Variants in TBC1D9 observed in about 807,000 individuals in gnomAD.
TBC1D9 encodes TBC1 domain family member 9.
Under a neutral mutation model 132.0 loss-of-function variants are expected in TBC1D9, and 63 were observed. That is an observed-to-expected ratio of 0.48 (90% confidence interval 0.39 to 0.59). TBC1D9 has a LOEUF of 0.59. Ranked by LOEUF, TBC1D9 falls within the 20% of genes least tolerant of loss-of-function variation. The pLI is 0.00. For synonymous variants in TBC1D9, 610 were observed against 609.9 expected (o/e 1.00, Z 0.00); for missense variants, 1,261 against 1,592.7 (o/e 0.79, Z 3.54).
intron 16 of TBC1D9, among the ~76,000 whole-genome samples, chr4:140,632,614 C>A (rs936247830): frequency 6.6e-6 from 1 of 152,086 alleles, no homozygotes; most frequent in African/African-American, 2.4e-5. Flanking sequence ...ACTAATGTTC[C>A]AACAAGTTAC....
Position 140,701,630 on chromosome 4 carries a change from G to T in TBC1D9, c.131-16C>A. On this transcript the variant is annotated splice_polypyrimidine_tract_variant and intron_variant, in intron 1 of 20. Coordinates refer to ENST00000442267, the MANE Select transcript of TBC1D9 (RefSeq NM_015130.3). ...ACCAGCAGGCCTGAGGGTGGAAAGTGGGGAGAAACAGGTAAGAATTGCCTT... is the reference window on the plus strand; with the variant it reads ...ACCAGCAGGCCTGAGGGTGGAAAGTTGGGAGAAACAGGTAAGAATTGCCTT... 1.2e-6 allele frequency: 2 copies of T among 1,602,574 alleles called. No individual in the cohort carries two copies. Among genetic ancestry groups the T allele is most frequent in the South Asian group, 2.2e-5 (2 of 90,786 alleles).
intron 1 of TBC1D9, among the ~76,000 whole-genome samples, chr4:140,742,422 C>T (rs1049466103): frequency 6.7e-6 from 1 of 149,838 alleles, no homozygotes; most frequent in Non-Finnish European, 1.5e-5. Flanking sequence ...GTCCCAGTTA[C>T]TCAGGAGGCT....
chr4:140,685,672 T>C (rs1737767703), intron 3 of TBC1D9, among the ~76,000 whole-genome samples: 1 of 152,344 alleles, frequency 6.6e-6, no homozygotes. Context: ...TCAAATATTC[T>C]GGTATTAATG....
chr4:140,628,843 A>T (rs4956467), intron 16 of TBC1D9, among the ~76,000 whole-genome samples: 35,179 of 152,114 alleles, frequency 0.23, 5,516 homozygotes, highest in African/African-American at 0.45. Context: ...CTCATTCTAG[A>T]AATCCTTTTT....
chr4:140,679,898 T>A, intron 3 of TBC1D9, 55 bp from the exon 4 acceptor site: 2 of 1,399,012 alleles, frequency 1.4e-6, no homozygotes, highest in Non-Finnish European at 1.9e-6. Context: ...ACTAGAGATG[T>A]ACATATTCCA....
intron 9 of TBC1D9, among the ~76,000 whole-genome samples, chr4:140,664,040 C>CAAAA (rs1224457471): frequency 1.1e-4 from 12 of 112,896 alleles, no homozygotes; most frequent in African/African-American, 3.4e-4. Context: ...CTCTCCCCAC[C>CAAAA]AAAAAAAAAA....
At chr4:140,750,281 T>C (rs1455756779) in intron 1 of TBC1D9, among the ~76,000 whole-genome samples, 1 of 151,960 alleles carries the variant, frequency 6.6e-6, no homozygotes, top group Non-Finnish European at 1.5e-5. Context: ...CATAATTGTA[T>C]ATGAGGTCCT....
intron 9 of TBC1D9, among the ~76,000 whole-genome samples, chr4:140,667,022 G>A (rs1737457932): frequency 6.6e-6 from 1 of 152,176 alleles, no homozygotes; most frequent in Admixed American, 6.5e-5. Flanking sequence ...GAGACGTACT[G>A]TGATTTCTTG....
At chr4:140,736,295 C>T (rs1180034665) in intron 1 of TBC1D9, among the ~76,000 whole-genome samples, 2 of 152,100 alleles carry the variant, frequency 1.3e-5, no homozygotes. Flanking sequence ...AATCCCAGCA[C>T]TTTGGGAGGC....
intron 1 of TBC1D9, among the ~76,000 whole-genome samples, chr4:140,750,616 A>G (rs948280739): frequency 6.6e-6 from 1 of 152,106 alleles, no homozygotes; most frequent in Non-Finnish European, 1.5e-5. Context: ...AGAAAACTAT[A>G]AAACACCGAG....
intron 13 of TBC1D9, among the ~76,000 whole-genome samples, chr4:140,656,778 T>C (rs543861715): frequency 6.6e-6 from 1 of 152,352 alleles, no homozygotes; most frequent in African/African-American, 2.4e-5. Flanking sequence ...ATTTAGGTCA[T>C]GAAGACTCTG....
chr4:140,633,273 T>C (rs530980182), intron 16 of TBC1D9, among the ~76,000 whole-genome samples: 1 of 152,364 alleles, frequency 6.6e-6, no homozygotes, highest in East Asian at 1.9e-4. Context: ...CTCTCAACCT[T>C]ACGTCAAGTG....
intron 1 of TBC1D9, chr4:140,716,153 T>C (rs1738331113): frequency 6.6e-6 from 1 of 152,216 alleles, no homozygotes; most frequent in South Asian, 2.1e-4. Flanking sequence ...CTAAGTAGTT[T>C]AGTCATGGCC....
chr4:140,754,990 G>A (rs543603949), intron 1 of TBC1D9, among the ~76,000 whole-genome samples: 13 of 152,324 alleles, frequency 8.5e-5, no homozygotes, highest in Non-Finnish European at 1.8e-4. Context: ...ATATGAGGTT[G>A]ATATAAGCTC....
At chr4:140,656,937 G>T (rs1250620800) in intron 13 of TBC1D9, among the ~76,000 whole-genome samples, 160 bp downstream of exon 13, 1 of 152,220 alleles carries the variant, frequency 6.6e-6, no homozygotes, top group African/African-American at 2.4e-5. Flanking sequence ...GACCTAACCT[G>T]CCAATGCCTT....
At chr4:140,676,322 CCT>C (rs963985911) in intron 6 of TBC1D9, among the ~76,000 whole-genome samples, 2 of 152,202 alleles carry the variant, frequency 1.3e-5, no homozygotes, top group South Asian at 2.1e-4. Context: ...GCACTCATCC[CCT>C]GATTGCTGGC....
intron 13 of TBC1D9, chr4:140,642,363 T>C: frequency 1.2e-6 from 1 of 836,020 alleles, no homozygotes; most frequent in Non-Finnish European, 2.0e-6. Flanking sequence ...CCTTTTGTGT[T>C]TACCTTCTCT....
chr4:140,707,820 T>C (rs1359401565), intron 1 of TBC1D9, among the ~76,000 whole-genome samples: 2 of 152,140 alleles, frequency 1.3e-5, no homozygotes, highest in African/African-American at 4.8e-5. Context: ...GGTCACCTAA[T>C]GCATGTGTCC....
intron 10 of TBC1D9, among the ~76,000 whole-genome samples, chr4:140,661,064 G>GTCCA (rs1737351793): frequency 6.6e-6 from 1 of 152,004 alleles, no homozygotes; most frequent in African/African-American, 2.4e-5. Context: ...ACAGGCACCT[G>GTCCA]CCACCACGCC....
Sources: allele counts gnomAD v4.1 joint callset (sites outside exome capture counted in the v4.1 genomes callset), GRCh38; gene constraint gnomAD v4.1.1; transcripts MANE v1.5; gene names NCBI Gene and HGNC (gene_info 2026-07-23, HGNC 2026-07-21).